Variants in ACACB observed in about 807,000 individuals in gnomAD.
ACACB encodes acetyl-CoA carboxylase beta, also known as acetyl-CoA carboxylase 2.
Under a neutral mutation model 278.8 loss-of-function variants are expected in ACACB, and 209 were observed. The observed-to-expected ratio is 0.75, with a 90% CI of 0.67 to 0.84. The LOEUF is 0.84. ACACB is among the 40% of genes least tolerant of loss of function. The pLI, the probability that ACACB is intolerant of heterozygous loss-of-function variation, is 0.00. For missense variants in ACACB, 2,850 were observed against 3,269.0 expected (o/e 0.87, Z 3.13); for synonymous variants, 1,174 against 1,285.6 (o/e 0.91, Z 1.86).
At chr12:109,212,766 C>A (rs905816024) in intron 21 of ACACB, 70 bp from the exon 22 acceptor site, 4 of 1,374,776 alleles carry the variant, frequency 2.9e-6, no homozygotes, top group Non-Finnish European at 4.1e-6. Context: ...TTTGGGGACC[C>A]TTTCTTTAGG....
chr12:109,227,894 G>C (rs879790854), intron 28 of ACACB, among the ~76,000 whole-genome samples: 1 of 151,838 alleles, frequency 6.6e-6, no homozygotes, highest in African/African-American at 2.4e-5. Context: ...TTAGCCGGGC[G>C]TGGTGGCACA....
At chr12:109,153,938 A>T (rs1468403158) in intron 2 of ACACB, among the ~76,000 whole-genome samples, 1 of 152,298 alleles carries the variant, frequency 6.6e-6, no homozygotes, top group Admixed American at 6.5e-5. Context: ...TATTACAGGC[A>T]TGAGCTACCA....
chr12:109,163,422 G>A (rs1014075976), intron 2 of ACACB, among the ~76,000 whole-genome samples: 1 of 152,090 alleles, frequency 6.6e-6, no homozygotes, highest in Non-Finnish European at 1.5e-5. Flanking sequence ...AAACAGGCTC[G>A]TAGACATCAA....
rs146424440 is a variant in ACACB at position 109,258,284 on chromosome 12, G to A, written c.6280G>A (p.Val2094Met). 1.1e-4 allele frequency: 173 copies of A among 1,612,364 alleles called. No individual in the cohort carries two copies. The highest frequency in any genetic ancestry group is 1.4e-4 in the Non-Finnish European group (161 of 1,179,770). The change falls in exon 46 of 53, where the codon GTG becomes ATG. Residue 2094 changes from valine (V) to methionine (M), a missense_variant. By Grantham distance (21) the Val-to-Met change is conservative. Around this residue, in one of 3 missense-constraint regions of ACACB, gnomAD observed 579 missense variants for 684.6 expected, o/e 0.85. Coordinates refer to ENST00000338432, the MANE Select transcript of ACACB (RefSeq NM_001093.4). ...TGRARLGGIP[V>M]GVIAVETRTV... is the part of the protein sequence containing the mutation. ...ATTTTCCAGGCTTGGGGGGATTCCC[G>A]TGGGAGTGATTGCTGTGGAGACACG...
chr12:109,185,771 A>G (rs7969552), intron 12 of ACACB, 31 bp downstream of exon 12: 2 of 1,581,574 alleles, frequency 1.3e-6, no homozygotes, highest in Non-Finnish European at 1.7e-6. Flanking sequence ...TGTTTCCACC[A>G]TCTCAGATCT....
chr12:109,130,814 G>A (rs931240530), intron 1 of ACACB, among the ~76,000 whole-genome samples: 5 of 152,104 alleles, frequency 3.3e-5, no homozygotes, highest in Non-Finnish European at 7.4e-5. Flanking sequence ...TCTTTGTCCC[G>A]ATACTGTTGC....
At position 109,174,141 on chromosome 12, in the gene ACACB, G is replaced by A; in HGVS notation, c.1127G>A (p.Ser376Asn). 2 of 1,611,452 alleles carry A rather than the reference G, an allele frequency of 1.2e-6. No individual in the cohort carries two copies. The highest frequency in any genetic ancestry group is 1.7e-5 in the Admixed American group (1 of 59,754). Residue 376 changes from serine to asparagine, a missense_variant, in exon 7 of 53, where the codon AGT becomes AAT. Ser to Asn is a conservative substitution (Grantham distance 46, BLOSUM62 1). Coordinates refer to ENST00000338432, the MANE Select transcript of ACACB (RefSeq NM_001093.4). Reference sequence around the variant, plus strand: ...GTCCCCGATTCCTCAGGCCCTCCCAGTGAGGCCATGTGGGCCTTAGGAGAT... The same window carrying A: ...GTCCCCGATTCCTCAGGCCCTCCCAATGAGGCCATGTGGGCCTTAGGAGAT... ...KNGVAFLGPP[S>N]EAMWALGDKI...
chr12:109,265,127 G>A lies in ACACB; in HGVS notation c.6960G>A (p.Lys2320=). 6.2e-7 allele frequency: 1 copy of A among 1,610,554 alleles called. No individual in the cohort carries two copies. The highest frequency in any genetic ancestry group is 8.5e-7 in the Non-Finnish European group (1 of 1,178,262). Residue 2320 remains lysine (K), a synonymous_variant, in exon 51 of 53, where the codon AAG becomes AAA. Coordinates refer to ENST00000338432, the MANE Select transcript of ACACB (RefSeq NM_001093.4). Reference sequence around the variant, plus strand: ...GTCCACAGGACATCCTGGAGTGGAAGACCGCACGCACCTTCCTGTATTGGC... The same window carrying A: ...GTCCACAGGACATCCTGGAGTGGAAAACCGCACGCACCTTCCTGTATTGGC... The part of the protein sequence containing the change: ...KGVISDILEW[K]TARTFLYWRL...
In ACACB at chr12:109,129,334, G is replaced by C. The variant is rs111721002; in HGVS notation, c.-9-10063G>C. The stretch of plus-strand genomic sequence containing the variant: ...AGAGTGACTGAGCCTCGGTTTTCTC[G>C]CCTGTGAAAGGAGCAGGACCCTGCA... On this transcript the variant is annotated intron_variant, in intron 1 of 52. Transcript: ENST00000338432. Among the ~76,000 whole-genome samples the C allele has an allele frequency of 1.9e-3, 282 of 152,182 alleles. 1 individual carries two copies. The highest frequency in any genetic ancestry group is 6.4e-3 in the African/African-American group (264 of 41,514).
In ACACB at chr12:109,252,113, A is replaced by G. The variant is rs201515530; in HGVS notation, c.5858A>G (p.Glu1953Gly). ...CTGGGCCAGCGAGTGATCCAGGTGGAGAATTCCCACATCATCCTCACAGGA... is the reference window on the plus strand; with the variant it reads ...CTGGGCCAGCGAGTGATCCAGGTGGGGAATTCCCACATCATCCTCACAGGA... ...VRLGQRVIQV[E>G]NSHIILTGAS... The change falls in exon 42 of 53, where the codon GAG becomes GGG. Residue 1953 changes from glutamate to glycine, a missense_variant. Around this residue, in one of 3 missense-constraint regions of ACACB, gnomAD observed 579 missense variants for 684.6 expected, o/e 0.85. Coordinates refer to ENST00000338432, the MANE Select transcript of ACACB (RefSeq NM_001093.4). The G allele has an allele frequency of 2.1e-5, 34 of 1,613,434 alleles. No individual in the cohort carries two copies. Among genetic ancestry groups the G allele is most frequent in the Non-Finnish European group, 2.7e-5 (32 of 1,179,834 alleles).
At chr12:109,222,238 T>C (rs1428963428) in intron 24 of ACACB, among the ~76,000 whole-genome samples, 1 of 151,932 alleles carries the variant, frequency 6.6e-6, no homozygotes, top group East Asian at 1.9e-4. Context: ...CTTAGTTGTA[T>C]TTGTTTGTTC....
chr12:109,185,657 A>G lies in ACACB; in HGVS notation c.1897A>G (p.Ile633Val). ...YGESPWGVTP[I>V]SFETPSNPPL... ...AGAGTCACCATGGGGAGTGACTCCCATTTCTTTTGAAACCCCCTCAAACCC... is the reference window on the plus strand; with the variant it reads ...AGAGTCACCATGGGGAGTGACTCCCGTTTCTTTTGAAACCCCCTCAAACCC... Residue 633 changes from isoleucine to valine, a missense_variant, in exon 12 of 53, where the codon ATT (isoleucine) becomes GTT (valine). Around this residue, in one of 3 missense-constraint regions of ACACB, gnomAD observed 2,265 missense variants for 2,561.3 expected, o/e 0.88. Transcript: ENST00000338432. 6.2e-7 allele frequency: 1 copy of G among 1,613,866 alleles called. No individual in the cohort carries two copies. The highest frequency in any genetic ancestry group is 8.5e-7 in the Non-Finnish European group (1 of 1,179,928).
At chr12:109,128,412 A>G (rs774076330) in intron 1 of ACACB, among the ~76,000 whole-genome samples, 1 of 151,960 alleles carries the variant, frequency 6.6e-6, no homozygotes, top group Admixed American at 6.6e-5. Flanking sequence ...ATCTTGGCTC[A>G]TTGCAACTTC....
At chr12:109,251,838 C>A (rs924179952) in intron 41 of ACACB, among the ~76,000 whole-genome samples, 1 of 152,194 alleles carries the variant, frequency 6.6e-6, no homozygotes, top group Non-Finnish European at 1.5e-5. Context: ...TCTTTGTTAA[C>A]CATGTTATTT....
intron 1 of ACACB, among the ~76,000 whole-genome samples, chr12:109,124,371 C>T (rs956309762): frequency 1.3e-5 from 2 of 152,214 alleles, no homozygotes; most frequent in Non-Finnish European, 2.9e-5. Flanking sequence ...ACATGTTCTT[C>T]TATACCTATA....
rs748199730 is a variant in ACACB at position 109,239,904 on chromosome 12, G to T, written c.4737G>T (p.Ala1579=). 1 of 1,614,150 alleles carries T rather than the reference G, an allele frequency of 6.2e-7. No individual in the cohort carries two copies. The highest frequency in any genetic ancestry group is 1.3e-5 in the African/African-American group (1 of 75,046). The stretch of plus-strand genomic sequence containing the variant: ...AGGCCATGGACGAGCTGGAGGTGGC[G>T]TTCAATAACACCAGCGTGCGCACCG... ...LLEAMDELEV[A]FNNTSVRTDC... Residue 1579 remains alanine (A), a synonymous_variant, in exon 35 of 53, where the codon GCG becomes GCT. Transcript: ENST00000338432.
At chr12:109,169,142 C>CAAAAAAA (rs34104231) in intron 4 of ACACB, among the ~76,000 whole-genome samples, 1 of 105,814 alleles carries the variant, frequency 9.5e-6, no homozygotes, top group African/African-American at 3.5e-5. Context: ...GAGACTGTCT[C>CAAAAAAA]AAAAAAAAAA....
chr12:109,234,053 G>A lies in ACACB; in HGVS notation c.4347+8G>A, dbSNP rs900064795. 1.3e-6 allele frequency: 2 copies of A among 1,596,250 alleles called. No individual in the cohort carries two copies. Among genetic ancestry groups the A allele is most frequent in the Non-Finnish European group, 1.7e-6 (2 of 1,168,480 alleles). On this transcript the variant is annotated splice_region_variant and intron_variant, in intron 31 of 52. Transcript: ENST00000338432. The stretch of plus-strand genomic sequence containing the variant: ...ACATTCGTACAGTCCAAGGTACTCT[G>A]GGCGTGCCTCTGGTTTTGGTGGGGG...
At chr12:109,265,619 C>T in intron 52 of ACACB, 94 bp downstream of exon 52, 1 of 1,469,934 alleles carries the variant, frequency 6.8e-7, no homozygotes. Flanking sequence ...GCCACTTGAA[C>T]CCGCCACCCT....
Sources: allele counts gnomAD v4.1 joint callset (sites outside exome capture counted in the v4.1 genomes callset), GRCh38; gene constraint gnomAD v4.1.1; regional missense constraint gnomAD v4.1.1; transcripts MANE v1.5; gene names NCBI Gene and HGNC (gene_info 2026-07-23, HGNC 2026-07-21).